The following FER1L6 variants were observed in gnomAD, a reference collection of about 807,000 sequenced individuals.
The protein encoded by FER1L6 is fer-1 like family member 6.
In FER1L6, 177 loss-of-function variants were observed where a neutral mutation model predicts 219.2. That is an observed-to-expected ratio of 0.81 (90% CI 0.71 to 0.91). The LOEUF is 0.91. Among genes scored for constraint, FER1L6 ranks in the 40% least tolerant of loss-of-function variants. The probability of loss-of-function intolerance (pLI) is 0.00; values close to 1 mark genes in which losing one functional copy is unlikely to be tolerated. For missense variants in FER1L6, 2,153 were observed against 2,259.9 expected (o/e 0.95, Z 0.96); for synonymous variants, 768 against 824.3 (o/e 0.93, Z 1.17).
At chr8:124,078,417 AAC>A (rs1219207941) in intron 32 of FER1L6, among the ~76,000 whole-genome samples, 1 of 152,190 alleles carries the variant, frequency 6.6e-6, no homozygotes, top group Non-Finnish European at 1.5e-5. Flanking sequence ...TGGGTTAATA[AAC>A]CAGCTCGACC....
intron 18 of FER1L6, among the ~76,000 whole-genome samples, chr8:124,025,717 C>T (rs921193552): frequency 1.3e-5 from 2 of 152,000 alleles, no homozygotes; most frequent in Admixed American, 1.3e-4. Context: ...TAAAAAATGA[C>T]GTTGGTATTT....
At chr8:124,086,653 G>T (rs1341057328) in intron 33 of FER1L6, among the ~76,000 whole-genome samples, 1 of 152,066 alleles carries the variant, frequency 6.6e-6, no homozygotes, top group Non-Finnish European at 1.5e-5. Context: ...ATAACATTGT[G>T]TTTTTCTGTG....
At chr8:124,097,483 T>C in intron 36 of FER1L6, 124 bp downstream of exon 36, 1 of 705,552 alleles carries the variant, frequency 1.4e-6, no homozygotes, top group Non-Finnish European at 2.4e-6. Context: ...ACCCGGCCAG[T>C]TTTTCAGGAG....
Position 123,853,625 on chromosome 8 carries a change from T to TACCC in FER1L6, c.-8+1441_-8+1442insCCCA, listed in dbSNP as rs1352675764. Among the ~76,000 whole-genome samples the TACCC allele has an allele frequency of 6.6e-6, 1 of 152,010 alleles. No homozygotes were observed. Among genetic ancestry groups the TACCC allele is most frequent in the East Asian group, 1.9e-4 (1 of 5,170 alleles). On this transcript the variant is annotated intron_variant, in intron 1 of 40. Coordinates refer to ENST00000522917, the MANE Select transcript of FER1L6 (RefSeq NM_001039112.2). The surrounding 1 kb of genome is among the most constrained non-coding windows in gnomAD (Gnocchi z 6.6). ...GGGTGGATGAGTAGAGAAAAAGGGG[T>TACCC]AGGTACGCCTCACCACGGGCAAGCG...
At chr8:124,008,363 G>T (rs757893675) in intron 13 of FER1L6, among the ~76,000 whole-genome samples, 3 of 152,132 alleles carry the variant, frequency 2.0e-5, no homozygotes, top group Non-Finnish European at 2.9e-5. Flanking sequence ...TGGGCAATTG[G>T]GCTAGTTCCA....
At chr8:123,924,292 C>G (rs1202695773) in intron 1 of FER1L6, among the ~76,000 whole-genome samples, 1 of 148,600 alleles carries the variant, frequency 6.7e-6, no homozygotes, top group African/African-American at 2.5e-5. Flanking sequence ...CGCCTGTAAT[C>G]CCAGCCCTTT....
intron 1 of FER1L6, among the ~76,000 whole-genome samples, chr8:123,863,839 C>T (rs1012642628): frequency 6.6e-6 from 1 of 150,814 alleles, no homozygotes; most frequent in Non-Finnish European, 1.5e-5. Flanking sequence ...CTTGGTAGAT[C>T]TTCCTCCATC....
intron 1 of FER1L6, among the ~76,000 whole-genome samples, chr8:123,897,850 A>C (rs948528318): frequency 1.3e-5 from 2 of 152,214 alleles, no homozygotes; most frequent in African/African-American, 2.4e-5. Flanking sequence ...CTGTAAAAGC[A>C]TCAGAAAATC....
At chr8:124,054,358 A>ACAT (rs1211459473) in intron 22 of FER1L6, among the ~76,000 whole-genome samples, 3 of 152,178 alleles carry the variant, frequency 2.0e-5, no homozygotes, top group Non-Finnish European at 4.4e-5. Flanking sequence ...GCTTTATATC[A>ACAT]CATCTGTTTT....
chr8:123,947,493 T>C (rs1053478906), intron 1 of FER1L6, among the ~76,000 whole-genome samples: 2 of 152,214 alleles, frequency 1.3e-5, no homozygotes, highest in African/African-American at 4.8e-5. Flanking sequence ...TTAACTCTTT[T>C]CTTGTTATAT....
intron 3 of FER1L6, among the ~76,000 whole-genome samples, chr8:123,964,569 C>A (rs1417027712): frequency 1.3e-5 from 2 of 152,182 alleles, no homozygotes; most frequent in Admixed American, 6.5e-5. Flanking sequence ...ACAACCACCA[C>A]CCCTCTACCC....
At chr8:123,899,883 G>A (rs1812827066) in intron 1 of FER1L6, among the ~76,000 whole-genome samples, 2 of 152,170 alleles carry the variant, frequency 1.3e-5, no homozygotes, top group Admixed American at 6.5e-5. Flanking sequence ...GTACTATGCT[G>A]TTTGGATGAC....
At chr8:124,065,990 A>G (rs1452575601) in intron 26 of FER1L6, among the ~76,000 whole-genome samples, 2 of 152,194 alleles carry the variant, frequency 1.3e-5, no homozygotes, top group African/African-American at 4.8e-5. Context: ...TGTGGGTATT[A>G]TTGTCCCTAG....
intron 12 of FER1L6, among the ~76,000 whole-genome samples, chr8:123,995,031 C>G (rs1197741250): frequency 6.6e-6 from 1 of 152,248 alleles, no homozygotes; most frequent in Non-Finnish European, 1.5e-5. Flanking sequence ...CTCCTTCTCA[C>G]AGTCTGGGGA....
intron 39 of FER1L6, among the ~76,000 whole-genome samples, chr8:124,106,540 A>G (rs1351947800): frequency 6.6e-6 from 1 of 152,010 alleles, no homozygotes; most frequent in Non-Finnish European, 1.5e-5. Context: ...AACCATCCTG[A>G]ACCCTTCCCG....
At chr8:123,889,045 T>G (rs938250622) in intron 1 of FER1L6, among the ~76,000 whole-genome samples, 1 of 152,218 alleles carries the variant, frequency 6.6e-6, no homozygotes, top group Non-Finnish European at 1.5e-5. Flanking sequence ...GGTTTTACGT[T>G]TGTCTTTCCT....
At chr8:123,994,687 A>G (rs1367188746) in intron 12 of FER1L6, among the ~76,000 whole-genome samples, 1 of 152,130 alleles carries the variant, frequency 6.6e-6, no homozygotes, top group African/African-American at 2.4e-5. Flanking sequence ...TGTGGCTGCA[A>G]CACGTTTCCC....
At chr8:123,974,414 T>C (rs1351595649) in intron 7 of FER1L6, among the ~76,000 whole-genome samples, 1 of 151,914 alleles carries the variant, frequency 6.6e-6, no homozygotes, top group African/African-American at 2.4e-5. Flanking sequence ...GGTGGGTGGA[T>C]CACTTGAGGT....
intron 12 of FER1L6, among the ~76,000 whole-genome samples, chr8:124,001,487 G>T (rs1004807916): frequency 6.6e-6 from 1 of 152,158 alleles, no homozygotes; most frequent in Non-Finnish European, 1.5e-5. Context: ...CAGCCATAGT[G>T]GATATCCAGA....
Sources: gnomAD v4.1 joint callset for allele counts (sites outside exome capture counted in the v4.1 genomes callset) on GRCh38, gnomAD v4.1.1 for gene constraint, Gnocchi (gnomAD v3.1) non-coding constraint, MANE v1.5 for transcripts, NCBI Gene and HGNC (gene_info 2026-07-23, HGNC 2026-07-21) for gene names.